Variants in GABRP observed in about 807,000 individuals in gnomAD.
GABRP encodes the protein gamma-aminobutyric acid type A receptor subunit pi, also known as gamma-aminobutyric acid receptor subunit pi.
GABRP carries 52 observed loss-of-function variants against 47.8 expected under a neutral mutation model. The observed-to-expected ratio is 1.09, with a 90% CI of 0.87 to 1.37. The LOEUF (loss-of-function observed/expected upper bound fraction) is 1.37. Among genes scored for constraint, GABRP ranks in the 40% most tolerant of loss-of-function variants. GABRP has a pLI of 0.00. For missense variants in GABRP, 525 were observed against 542.8 expected, an observed-to-expected ratio of 0.97 and a Z score of 0.33; for synonymous variants, 221 against 205.8, an observed-to-expected ratio of 1.07 and a Z score of -0.63.
rs1277870370 is a variant in GABRP, at chr5:170,808,734, C to G, written c.814C>G (p.Pro272Ala). Reference protein sequence around the residue: ...VSFWISLDSVPARTCIGVTTV... With the variant: ...VSFWISLDSVAARTCIGVTTV... ...ATTTTGGATCTCTCTCGATTCAGTC[C>G]CTGCAAGAACCTGCATTGGTAAGCA... Residue 272 changes from proline (P) to alanine (A), a missense_variant, in exon 8 of 10, where the codon CCT becomes GCT. Pro to Ala is a conservative substitution (Grantham distance 27). Coordinates refer to ENST00000265294, the MANE Select transcript of GABRP (RefSeq NM_014211.3). 1 of 1,613,846 alleles carries G rather than the reference C, an allele frequency of 6.2e-7. No individual in the cohort carries two copies. The highest frequency in any genetic ancestry group is 8.5e-7 in the Non-Finnish European group (1 of 1,179,944).
At chr5:170,784,353 C>T (rs148804862) in intron 1 of GABRP, among the ~76,000 whole-genome samples, 11 of 151,936 alleles carry the variant, frequency 7.2e-5, no homozygotes, top group East Asian at 1.9e-4. Context: ...AGAGTAGAAA[C>T]GGTAGTAGAA....
intron 6 of GABRP, 134 bp downstream of exon 6, chr5:170,797,682 CT>C (rs1392244892): frequency 1.6e-6 from 1 of 641,614 alleles, no homozygotes; most frequent in African/African-American, 1.8e-5. Context: ...GCCCTTCTGA[CT>C]GTACTTCCAG....
chr5:170,795,002 G>T (rs111308834), intron 4 of GABRP, among the ~76,000 whole-genome samples: 2 of 146,440 alleles, frequency 1.4e-5, no homozygotes, highest in South Asian at 4.4e-4. Flanking sequence ...CCAAGACTGG[G>T]GTAACTGGAG....
chr5:170,788,716 T>C (rs1209966177), intron 2 of GABRP, 48 bp downstream of exon 2: 1 of 1,580,102 alleles, frequency 6.3e-7, no homozygotes, highest in African/African-American at 1.4e-5. Context: ...TTGCTTTGCA[T>C]TCGGGCATGT....
At chr5:170,800,419 A>G (rs185416700) in intron 6 of GABRP, among the ~76,000 whole-genome samples, 1,798 of 152,276 alleles carry the variant, frequency 0.012, 37 homozygotes, top group African/African-American at 0.04. Context: ...TACCATTCAG[A>G]ACATAGGCAT....
chr5:170,809,880 T>G, intron 9 of GABRP, 125 bp downstream of exon 9: 2 of 907,148 alleles, frequency 2.2e-6, no homozygotes, highest in Non-Finnish European at 1.8e-6. Flanking sequence ...CCAGTGAGTC[T>G]TATCCTTGTT....
At chr5:170,796,893 G>C (rs1765443851) in intron 5 of GABRP, among the ~76,000 whole-genome samples, 1 of 152,236 alleles carries the variant, frequency 6.6e-6, no homozygotes, top group African/African-American at 2.4e-5. Flanking sequence ...TCTCCACTGT[G>C]AGGGCATAAC....
rs1434646742 is a variant in GABRP at position 170,812,201 on chromosome 5, T to G, written c.1266T>G (p.Phe422Leu). ...SNVDHYSKLL[F>L]PLIFMLANVF... ...TTGATCACTATTCCAAACTACTGTTTCCTTTGATTTTTATGCTAGCCAATG... is the reference window on the plus strand; with the variant it reads ...TTGATCACTATTCCAAACTACTGTTGCCTTTGATTTTTATGCTAGCCAATG... Residue 422 changes from phenylalanine to leucine, a missense_variant, in exon 10 of 10, where the codon TTT becomes TTG. By Grantham distance (22) the Phe-to-Leu change is conservative. Transcript: ENST00000265294. 1 of 1,613,876 alleles carries G rather than the reference T, an allele frequency of 6.2e-7. No homozygotes were observed. The highest frequency in any genetic ancestry group is 1.3e-5 in the African/African-American group (1 of 74,924).
chr5:170,795,325 A>T lies in GABRP; in HGVS notation c.358A>T (p.Thr120Ser), dbSNP rs1448228621. 6.2e-7 allele frequency: 1 copy of T among 1,613,852 alleles called. No homozygotes were observed. Among genetic ancestry groups the T allele is most frequent in the Non-Finnish European group, 8.5e-7 (1 of 1,179,998 alleles). The change falls in exon 5 of 10, where the codon ACT becomes TCT. Residue 120 changes from threonine (T) to serine (S), a missense_variant. Coordinates refer to ENST00000265294, the MANE Select transcript of GABRP (RefSeq NM_014211.3). ...CGTGGAGTTCCTCTGGGTGCCAGAT[A>T]CTTACATTGTGGAGTCCAAGAAGTC... ...RLVEFLWVPD[T>S]YIVESKKSFL...
intron 6 of GABRP, among the ~76,000 whole-genome samples, chr5:170,800,112 CA>C (rs758040007): frequency 1.3e-5 from 2 of 152,126 alleles, no homozygotes; most frequent in Non-Finnish European, 2.9e-5. Flanking sequence ...CTACAGTAAC[CA>C]AAACAGCATG....
intron 3 of GABRP, among the ~76,000 whole-genome samples, chr5:170,789,601 C>T (rs889243908): frequency 6.6e-6 from 1 of 152,278 alleles, no homozygotes; most frequent in Admixed American, 6.5e-5. Context: ...CAGCCTGAGC[C>T]CTTTCAGCTG....
chr5:170,808,477 T>C, intron 7 of GABRP, 123 bp from the exon 8 acceptor site: 1 of 798,594 alleles, frequency 1.3e-6, no homozygotes, highest in Non-Finnish European at 2.0e-6. Context: ...TAATGACAGT[T>C]CATACATAAC....
intron 6 of GABRP, among the ~76,000 whole-genome samples, chr5:170,798,224 G>T (rs1765488380): frequency 6.6e-6 from 1 of 152,130 alleles, no homozygotes; most frequent in Admixed American, 6.5e-5. Context: ...TGTATTTTTA[G>T]TAGAGACAGG....
At chr5:170,797,423 A>T (rs370732289) in intron 5 of GABRP, 43 bp from the exon 6 acceptor site, 9 of 1,241,888 alleles carry the variant, frequency 7.2e-6, no homozygotes, top group Non-Finnish European at 9.5e-6. Flanking sequence ...ACTTTCTATA[A>T]CTTCCTCACA....
intron 3 of GABRP, among the ~76,000 whole-genome samples, chr5:170,793,398 A>ACT (rs1333846676): frequency 8.6e-5 from 13 of 151,964 alleles, no homozygotes; most frequent in Non-Finnish European, 1.0e-4. Context: ...TAGAGATAGA[A>ACT]CTCTCTCTCT....
Position 170,805,814 on chromosome 5 carries a change from C to T in GABRP, c.640C>T (p.Arg214Trp), listed in dbSNP as rs201137222. The change falls in exon 7 of 10, where the codon CGG (arginine) becomes TGG (tryptophan). Residue 214 changes from arginine to tryptophan, a missense_variant. Arg to Trp is a moderately radical substitution (Grantham distance 101). Transcript: ENST00000265294. ...HLRLAQYTIE[R>W]YFTLVTRSQQ... ...GCGGCTTGCTCAGTACACCATAGAG[C>T]GGTATTTCACCTTAGTCACCAGATC... 8.7e-6 allele frequency: 14 copies of T among 1,614,024 alleles called. No homozygotes were observed. The highest frequency in any genetic ancestry group is 2.2e-5 in the East Asian group (1 of 44,902).
Position 170,805,846 on chromosome 5 carries a change from G to A in GABRP, c.672G>A (p.Gln224=), listed in dbSNP as rs149480838. 5 of 1,613,836 alleles carry A rather than the reference G, an allele frequency of 3.1e-6. No homozygotes were observed. In the African/African-American group the frequency reaches 6.7e-5, roughly 22 times the overall value. The change falls in exon 7 of 10, where the codon CAG becomes CAA. Residue 224 remains glutamine (Q), a synonymous_variant. Coordinates refer to ENST00000265294, the MANE Select transcript of GABRP (RefSeq NM_014211.3). ...TCACCTTAGTCACCAGATCGCAGCA[G>A]GAGACAGGTAACTCATGTGACAAAC... The part of the protein sequence containing the change: ...RYFTLVTRSQ[Q]ETGNYTRLVL...
chr5:170,805,987 G>A, intron 7 of GABRP, 134 bp downstream of exon 7: 2 of 949,972 alleles, frequency 2.1e-6, no homozygotes, highest in Non-Finnish European at 3.1e-6. Flanking sequence ...GGTTTGTGCT[G>A]AGCAATTCCA....
chr5:170,789,469 T>C (rs533159333), intron 3 of GABRP, among the ~76,000 whole-genome samples: 1 of 152,316 alleles, frequency 6.6e-6, no homozygotes, highest in East Asian at 1.9e-4. Flanking sequence ...TCCTTCTCAC[T>C]GTGGAGGCTG....
Sources: allele counts gnomAD v4.1 joint callset (sites outside exome capture counted in the v4.1 genomes callset), GRCh38; gene constraint gnomAD v4.1.1; transcripts MANE v1.5; gene names NCBI Gene and HGNC (gene_info 2026-07-23, HGNC 2026-07-21).